BLTP3B: variants seen among roughly 807,000 people sequenced by gnomAD.
BLTP3B encodes UHRF1 (ICBP90) binding protein 1-like.
At chr12:100,043,146 A>G in the BLTP3B span, among the ~76,000 whole-genome samples, 1 of 152,216 alleles carries the variant, frequency 6.6e-6, no homozygotes, top group South Asian at 2.1e-4. Context: ...TTTAGACATA[A>G]TAATAGTGTA....
At chr12:100,085,442 G>A in the BLTP3B span, among the ~76,000 whole-genome samples, 1 of 151,940 alleles carries the variant, frequency 6.6e-6, no homozygotes, top group Non-Finnish European at 1.5e-5. Flanking sequence ...GTTAATTTAT[G>A]AGTCAGGACG....
chr12:100,052,677 T>G, the BLTP3B span, among the ~76,000 whole-genome samples: 1 of 151,960 alleles, frequency 6.6e-6, no homozygotes, highest in African/African-American at 2.4e-5. Context: ...CACAGAGCAT[T>G]GTCAGTAATG....
At chr12:100,074,497 G>C in the BLTP3B span, among the ~76,000 whole-genome samples, 1 of 151,892 alleles carries the variant, frequency 6.6e-6, no homozygotes, top group Admixed American at 6.6e-5. Context: ...TACTTGGGAG[G>C]CTGAGGCATA....
the BLTP3B span, among the ~76,000 whole-genome samples, chr12:100,079,953 T>C: frequency 6.6e-6 from 1 of 152,218 alleles, no homozygotes; most frequent in Non-Finnish European, 1.5e-5. Context: ...AGCTTCCACA[T>C]GGTGCTGAGC....
At chr12:100,084,485 T>A in the BLTP3B span, 1 of 1,611,806 alleles carries the variant, frequency 6.2e-7, no homozygotes, top group Non-Finnish European at 8.5e-7. Flanking sequence ...CCTGTTTGTG[T>A]GTGCTGGGGA....
At chr12:100,045,225 T>C in the BLTP3B span, among the ~76,000 whole-genome samples, 3 of 152,190 alleles carry the variant, frequency 2.0e-5, no homozygotes, top group African/African-American at 7.2e-5. Flanking sequence ...CCACTGACTT[T>C]CTTCACAGAA....
At chr12:100,093,361 A>C in the BLTP3B span, among the ~76,000 whole-genome samples, 2 of 141,822 alleles carry the variant, frequency 1.4e-5, no homozygotes, top group Non-Finnish European at 3.0e-5. Flanking sequence ...TGTTTTAGCC[A>C]TGTGACTCGA....
At chr12:100,039,613 C>A in the BLTP3B span, 1 of 1,612,860 alleles carries the variant, frequency 6.2e-7, no homozygotes, top group South Asian at 1.1e-5. Flanking sequence ...CTAGTGAAGT[C>A]AAAGGAGAAC....
the BLTP3B span, chr12:100,142,871 A>T: frequency 2.1e-6 from 1 of 468,580 alleles, no homozygotes; most frequent in Non-Finnish European, 3.7e-6. Flanking sequence ...CACCTAAGAG[A>T]CTCGGTGGAG....
chr12:100,088,959 T>C, the BLTP3B span: 2 of 1,609,076 alleles, frequency 1.2e-6, no homozygotes, highest in East Asian at 2.2e-5. Context: ...TAGATCTAGA[T>C]GAGAAATCAC....
At chr12:100,067,884 T>C in the BLTP3B span, among the ~76,000 whole-genome samples, 14 of 152,320 alleles carry the variant, frequency 9.2e-5, no homozygotes, top group South Asian at 2.5e-3. Flanking sequence ...CCAATGCTCA[T>C]TGATGGGTGG....
chr12:100,072,863 C>A, the BLTP3B span: 1 of 1,534,062 alleles, frequency 6.5e-7, no homozygotes, highest in Non-Finnish European at 8.7e-7. Context: ...AAAACCTTTC[C>A]AAATAATTTA....
chr12:100,043,090 C>T, the BLTP3B span, among the ~76,000 whole-genome samples: 532 of 152,306 alleles, frequency 3.5e-3, 3 homozygotes, highest in African/African-American at 0.012. Flanking sequence ...TGAGCCACCA[C>T]GCCCAGCCAG....
the BLTP3B span, among the ~76,000 whole-genome samples, chr12:100,093,475 T>C: frequency 6.6e-6 from 1 of 152,198 alleles, no homozygotes; most frequent in African/African-American, 2.4e-5. Flanking sequence ...TTCACATGTG[T>C]TGAAAATAAC....
At chr12:100,058,769 C>T in the BLTP3B span, 2 of 1,613,908 alleles carry the variant, frequency 1.2e-6, no homozygotes, top group Non-Finnish European at 1.7e-6. Context: ...TCTCTGAAAG[C>T]AGGATAAGTG....
chr12:100,052,586 A>G, the BLTP3B span, among the ~76,000 whole-genome samples: 2 of 152,154 alleles, frequency 1.3e-5, no homozygotes, highest in African/African-American at 4.8e-5. Flanking sequence ...AGTGAGATAA[A>G]GACTGAAATA....
the BLTP3B span, among the ~76,000 whole-genome samples, chr12:100,094,357 T>TGCCTCAGCCTCCC: frequency 6.6e-6 from 1 of 152,138 alleles, no homozygotes; most frequent in Non-Finnish European, 1.5e-5. Flanking sequence ...GTAAACCTCC[T>TGCCTCAGCCTCCC]GCCTCAGCCT....
At chr12:100,057,961 TAC>T in the BLTP3B span, 13 of 1,493,426 alleles carry the variant, frequency 8.7e-6, no homozygotes, top group African/African-American at 8.5e-5. Context: ...CAAAACAAAA[TAC>T]ACTCATAGGC....
At chr12:100,049,506 T>C in the BLTP3B span, among the ~76,000 whole-genome samples, 6 of 152,196 alleles carry the variant, frequency 3.9e-5, no homozygotes, top group African/African-American at 1.4e-4. Flanking sequence ...ACACCAAGGA[T>C]AGGTCTCCAT....
Sources: gnomAD v4.1 joint callset for allele counts (sites outside exome capture counted in the v4.1 genomes callset) on GRCh38, gnomAD v4.1.1 for gene constraint, MANE v1.5 for transcripts, NCBI Gene and HGNC (gene_info 2026-07-23, HGNC 2026-07-21) for gene names.